ARMH3: variants seen among roughly 807,000 people sequenced by gnomAD.
The protein encoded by ARMH3 is armadillo-like helical domain-containing protein 3.
In ARMH3, 60 loss-of-function variants were observed where a neutral mutation model predicts 99.1. The observed-to-expected ratio is 0.61, with a 90% CI of 0.49 to 0.75. ARMH3 has a LOEUF of 0.75. Among genes scored for constraint, ARMH3 ranks in the 30% least tolerant of loss-of-function variants. The pLI is 0.00. For missense variants in ARMH3, 679 were observed against 843.1 expected (o/e 0.81, Z 2.41); for synonymous variants, 285 against 292.8 (o/e 0.97, Z 0.27).
At chr10:102,049,317 G>A (rs184616343) in intron 1 of ARMH3, among the ~76,000 whole-genome samples, 227 of 152,210 alleles carry the variant, frequency 1.5e-3, no homozygotes, top group African/African-American at 5.2e-3. Flanking sequence ...TGAGGCGGGC[G>A]GATCACTTGA....
At chr10:101,872,919 C>T (rs1426157602) in intron 24 of ARMH3, among the ~76,000 whole-genome samples, 2 of 151,448 alleles carry the variant, frequency 1.3e-5, no homozygotes, top group Non-Finnish European at 2.9e-5. Context: ...GATCACGCCA[C>T]TGCACGCCAG....
chr10:101,987,293 G>A (rs1846555746), intron 19 of ARMH3, among the ~76,000 whole-genome samples: 1 of 152,040 alleles, frequency 6.6e-6, no homozygotes, highest in Non-Finnish European at 1.5e-5. Context: ...TAAACATGCT[G>A]GTCCCCTACG....
At chr10:101,939,223 C>T (rs1377957972) in intron 23 of ARMH3, among the ~76,000 whole-genome samples, 1 of 152,134 alleles carries the variant, frequency 6.6e-6, no homozygotes, top group Non-Finnish European at 1.5e-5. Context: ...ATCAAAGGCA[C>T]AAAGGGAGCA....
At chr10:101,864,606 A>G (rs1425155905) in intron 24 of ARMH3, among the ~76,000 whole-genome samples, 1 of 152,186 alleles carries the variant, frequency 6.6e-6, no homozygotes, top group African/African-American at 2.4e-5. Flanking sequence ...ACATGGATGA[A>G]GCTGGAAACC....
chr10:101,957,273 A>C (rs1379941960), intron 21 of ARMH3, among the ~76,000 whole-genome samples: 1 of 152,244 alleles, frequency 6.6e-6, no homozygotes. Context: ...ATAAGCAAGC[A>C]TCTGTAATGT....
chr10:101,985,231 T>TAC (rs1270927259), intron 19 of ARMH3, among the ~76,000 whole-genome samples: 1 of 149,068 alleles, frequency 6.7e-6, no homozygotes, highest in Non-Finnish European at 1.5e-5. Flanking sequence ...TATACGTATA[T>TAC]ACATGTATAT....
chr10:101,902,648 C>T (rs2068008571), intron 23 of ARMH3, among the ~76,000 whole-genome samples: 1 of 152,030 alleles, frequency 6.6e-6, no homozygotes, highest in Non-Finnish European at 1.5e-5. Context: ...CTTTCTACCA[C>T]AGCTCTTTGT....
intron 8 of ARMH3, 92 bp from the exon 9 acceptor site, chr10:102,014,116 A>C: frequency 1.0e-6 from 1 of 966,778 alleles, no homozygotes; most frequent in Non-Finnish European, 1.6e-6. Flanking sequence ...ATGCTTCCAT[A>C]AGGCCCTCTC....
At chr10:101,920,394 T>C (rs1053058685) in intron 23 of ARMH3, among the ~76,000 whole-genome samples, 3 of 152,172 alleles carry the variant, frequency 2.0e-5, no homozygotes, top group African/African-American at 4.8e-5. Flanking sequence ...TGGTCTGGCA[T>C]AGCTGCAGTG....
intron 15 of ARMH3, among the ~76,000 whole-genome samples, chr10:101,997,897 C>G (rs1174075520): frequency 3.3e-5 from 5 of 152,092 alleles, no homozygotes; most frequent in Admixed American, 2.0e-4. Flanking sequence ...GCTTCTATTG[C>G]TGCTAAAAAC....
chr10:101,959,555 G>C (rs2135824782), intron 20 of ARMH3, among the ~76,000 whole-genome samples: 1 of 152,324 alleles, frequency 6.6e-6, no homozygotes, highest in African/African-American at 2.4e-5. Context: ...TGGCTATGTG[G>C]TAATTAAAGG....
chr10:101,857,644 T>A (rs551492796), intron 24 of ARMH3, among the ~76,000 whole-genome samples: 30 of 152,224 alleles, frequency 2.0e-4, no homozygotes, highest in African/African-American at 7.0e-4. Context: ...GCTGAAGTCA[T>A]CTTCTTTCTA....
intron 24 of ARMH3, among the ~76,000 whole-genome samples, chr10:101,880,347 C>A (rs147956486): frequency 6.6e-6 from 1 of 152,168 alleles, no homozygotes; most frequent in Non-Finnish European, 1.5e-5. Flanking sequence ...CTCAATTACC[C>A]TATTTGAGAT....
At chr10:101,860,349 A>G (rs754743670) in intron 24 of ARMH3, among the ~76,000 whole-genome samples, 9 of 152,184 alleles carry the variant, frequency 5.9e-5, no homozygotes, top group Non-Finnish European at 8.8e-5. Flanking sequence ...AACTCAGGGT[A>G]TGCAGTATTT....
At chr10:101,856,478 C>A (rs1359903293) in intron 24 of ARMH3, among the ~76,000 whole-genome samples, 1 of 151,986 alleles carries the variant, frequency 6.6e-6, no homozygotes, top group Non-Finnish European at 1.5e-5. Flanking sequence ...TATCTCAAGG[C>A]TAATCTTCCA....
intron 23 of ARMH3, among the ~76,000 whole-genome samples, chr10:101,889,950 A>C (rs1261460452): frequency 1.3e-5 from 2 of 152,126 alleles, no homozygotes; most frequent in African/African-American, 2.4e-5. Flanking sequence ...TTCAAACCAA[A>C]ATTTTATATC....
intron 24 of ARMH3, among the ~76,000 whole-genome samples, chr10:101,882,463 T>C (rs2067442139): frequency 6.6e-6 from 1 of 152,232 alleles, no homozygotes; most frequent in African/African-American, 2.4e-5. Flanking sequence ...TTCAAAGGTC[T>C]GATGGCTTTG....
intron 22 of ARMH3, among the ~76,000 whole-genome samples, chr10:101,946,097 A>T (rs1181915220): frequency 7.2e-6 from 1 of 138,250 alleles, no homozygotes; most frequent in African/African-American, 2.7e-5. Flanking sequence ...AAAAAAAAAA[A>T]AAAAAAGTCC....
At chr10:102,009,547 A>G in intron 12 of ARMH3, 98 bp from the exon 13 acceptor site, 1 of 1,030,516 alleles carries the variant, frequency 9.7e-7, no homozygotes, top group Non-Finnish European at 1.5e-6. Context: ...CCAGCGCCTC[A>G]TTATCAATTC....
Sources: gnomAD v4.1 joint callset for allele counts (sites outside exome capture counted in the v4.1 genomes callset) on GRCh38, gnomAD v4.1.1 for gene constraint, MANE v1.5 for transcripts, NCBI Gene and HGNC (gene_info 2026-07-23, HGNC 2026-07-21) for gene names.